VPS13B: variants seen among roughly 807,000 people sequenced by gnomAD.
VPS13B encodes the protein vacuolar protein sorting 13 homolog B, also known as intermembrane lipid transfer protein VPS13B.
In VPS13B, 285 loss-of-function variants were observed where a neutral mutation model predicts 426.4. That is an observed-to-expected ratio of 0.67 (90% CI 0.61 to 0.74). The LOEUF (loss-of-function observed/expected upper bound fraction) is 0.74, where lower values mean the gene tolerates loss of function less well. Ranked by LOEUF, VPS13B falls within the 30% of genes least tolerant of loss-of-function variation. The pLI is 0.00. For missense variants in VPS13B, 4,537 were observed against 4,782.6 expected (o/e 0.95, Z 1.51); for synonymous variants, 1,676 against 1,676.4 (o/e 1.00, Z 0.01).
Position 99,848,892 on chromosome 8 carries a change from C to T in VPS13B, c.10059C>T (p.Asn3353=). Residue 3353 remains asparagine, a splice_region_variant and synonymous_variant, in exon 55 of 62, where the codon AAC becomes AAT. Coordinates refer to ENST00000357162, the MANE Select transcript of VPS13B (RefSeq NM_152564.5). ...GKAGPILTNT[N]RAPEKIVTFK... is the part of the protein sequence containing the mutation. ...CAGGACCTATTTTAACCAATACCAA[C>T]AGGTAGGTTTAATTATTTTCCCAGT... 3 of 1,612,708 alleles carry T rather than the reference C, an allele frequency of 1.9e-6. No homozygotes were observed. The highest frequency in any genetic ancestry group is 2.5e-6 in the Non-Finnish European group (3 of 1,178,702).
chr8:99,404,482 T>C (rs1365597468), intron 21 of VPS13B, among the ~76,000 whole-genome samples: 1 of 152,212 alleles, frequency 6.6e-6, no homozygotes, highest in African/African-American at 2.4e-5. Flanking sequence ...AAGCTGTTAT[T>C]TCCCAAGGGG....
chr8:99,748,181 C>T (rs1186456036), intron 39 of VPS13B, among the ~76,000 whole-genome samples: 2 of 151,938 alleles, frequency 1.3e-5, no homozygotes, highest in African/African-American at 4.8e-5. Context: ...AAAGCACTCC[C>T]CAAACTCATC....
At chr8:99,044,131 T>G (rs1300873723) in intron 3 of VPS13B, among the ~76,000 whole-genome samples, 1 of 137,708 alleles carries the variant, frequency 7.3e-6, no homozygotes, top group East Asian at 2.2e-4. Flanking sequence ...TTGCCCAGGC[T>G]GGAGTGCAGG....
chr8:99,786,240 C>G (rs913017237), intron 43 of VPS13B, among the ~76,000 whole-genome samples: 13 of 152,148 alleles, frequency 8.5e-5, no homozygotes, highest in Non-Finnish European at 1.9e-4. Context: ...CTCATTTGCA[C>G]TATTTCAAGG....
rs1270432738 is a variant in VPS13B at position 99,111,116 on chromosome 8, G to T, written c.599G>T (p.Arg200Ile). The change falls in exon 6 of 62, where the codon AGA (arginine) becomes ATA (isoleucine). Residue 200 changes from arginine (R) to isoleucine (I), a missense_variant. Arg to Ile is a moderately conservative substitution (Grantham distance 97). Around this residue, in one of 2 missense-constraint regions of VPS13B, gnomAD observed 226 missense variants for 308.3 expected, o/e 0.73. Transcript: ENST00000357162. ...TTTTTAGCAACTGATTTGGTGCTGAGAAAGGTTATCAATTTTTCTGACTGT... is the reference window on the plus strand; with the variant it reads ...TTTTTAGCAACTGATTTGGTGCTGATAAAGGTTATCAATTTTTCTGACTGT... ...MDISATDLVL[R>I]KVINFSDCTV... The T allele has an allele frequency of 1.2e-6, 2 of 1,603,356 alleles. No individual in the cohort carries two copies. The highest frequency in any genetic ancestry group is 1.7e-6 in the Non-Finnish European group (2 of 1,174,634).
intron 5 of VPS13B, among the ~76,000 whole-genome samples, chr8:99,107,441 A>G (rs372662369): frequency 1.3e-5 from 2 of 152,192 alleles, no homozygotes; most frequent in Admixed American, 6.5e-5. Context: ...GCCATAATGG[A>G]TTAAAAAATA....
intron 21 of VPS13B, among the ~76,000 whole-genome samples, chr8:99,400,348 C>T (rs1038199551): frequency 7.2e-5 from 11 of 152,094 alleles, no homozygotes; most frequent in African/African-American, 2.7e-4. Context: ...CTGAGGCAGG[C>T]TAACATTTTG....
intron 15 of VPS13B, among the ~76,000 whole-genome samples, chr8:99,169,206 T>C (rs1812186746): frequency 6.6e-6 from 1 of 152,000 alleles, no homozygotes; most frequent in Non-Finnish European, 1.5e-5. Flanking sequence ...TACTTTTACA[T>C]TTACTGGAAA....
intron 31 of VPS13B, among the ~76,000 whole-genome samples, chr8:99,566,631 CG>C (rs758918938): frequency 5.3e-5 from 8 of 151,960 alleles, no homozygotes; most frequent in Non-Finnish European, 7.4e-5. Flanking sequence ...TTAGTAGAGA[CG>C]GGGTTCCACC....
chr8:99,438,129 C>G (rs1817491571), intron 22 of VPS13B, among the ~76,000 whole-genome samples: 1 of 140,238 alleles, frequency 7.1e-6, no homozygotes, highest in Non-Finnish European at 1.5e-5. Context: ...ACCAAGCATT[C>G]TGGTCTCTTT....
intron 34 of VPS13B, 110 bp downstream of exon 34, chr8:99,642,608 CT>C: frequency 1.0e-6 from 1 of 956,892 alleles, no homozygotes; most frequent in Non-Finnish European, 1.6e-6. Flanking sequence ...AAAGTCTTTT[CT>C]CTACAGAATA....
At chr8:99,370,897 G>A (rs1339380926) in intron 19 of VPS13B, among the ~76,000 whole-genome samples, 1 of 152,034 alleles carries the variant, frequency 6.6e-6, no homozygotes, top group Non-Finnish European at 1.5e-5. Flanking sequence ...GATGTGACCT[G>A]CTGTGCCCAA....
At chr8:99,675,446 T>C (rs906316221) in intron 35 of VPS13B, among the ~76,000 whole-genome samples, 1 of 152,320 alleles carries the variant, frequency 6.6e-6, no homozygotes, top group Middle Eastern at 3.4e-3. Flanking sequence ...GGATTGAATC[T>C]GATTGAAGAC....
chr8:99,274,966 T>C, intron 18 of VPS13B, 115 bp from the exon 19 acceptor site: 1 of 916,596 alleles, frequency 1.1e-6, no homozygotes, highest in Non-Finnish European at 1.6e-6. Flanking sequence ...GTATAGCTAA[T>C]ATTATCAAAT....
chr8:99,500,169 T>C (rs1023949281), intron 25 of VPS13B, among the ~76,000 whole-genome samples: 3 of 152,148 alleles, frequency 2.0e-5, no homozygotes, highest in Non-Finnish European at 2.9e-5. Context: ...CCATATTATA[T>C]TGTCTTTGTT....
At chr8:99,018,120 G>T (rs919886926) in intron 2 of VPS13B, among the ~76,000 whole-genome samples, 1 of 152,094 alleles carries the variant, frequency 6.6e-6, no homozygotes, top group Non-Finnish European at 1.5e-5. Context: ...GGTGGCTCTT[G>T]CCTGTAATCA....
At chr8:99,520,389 T>TTGTG (rs140216567) in intron 29 of VPS13B, among the ~76,000 whole-genome samples, 11,086 of 138,452 alleles carry the variant, frequency 0.08, 495 homozygotes, top group Non-Finnish European at 0.1. Context: ...GTGATATACT[T>TTGTG]TGTGTGTGTG....
intron 52 of VPS13B, 37 bp downstream of exon 52, chr8:99,832,689 C>G: frequency 6.2e-7 from 1 of 1,606,084 alleles, no homozygotes. Context: ...TTCTTCTTTG[C>G]TTGTCAGTCT....
intron 17 of VPS13B, chr8:99,233,687 T>C (rs1816482063): frequency 2.5e-6 from 2 of 800,324 alleles, no homozygotes; most frequent in Non-Finnish European, 4.6e-6. Flanking sequence ...TCTTTCCGGG[T>C]TGCATATGCT....
Sources: allele counts gnomAD v4.1 joint callset (sites outside exome capture counted in the v4.1 genomes callset), GRCh38; gene constraint gnomAD v4.1.1; regional missense constraint gnomAD v4.1.1; transcripts MANE v1.5; gene names NCBI Gene and HGNC (gene_info 2026-07-23, HGNC 2026-07-21).